ACTR3C: variants seen among roughly 807,000 people sequenced by gnomAD.
The protein encoded by ACTR3C is actin-related protein 3C.
ACTR3C carries 18 observed loss-of-function variants against 26.3 expected under a neutral mutation model. That is an observed-to-expected ratio of 0.68 (90% CI 0.47 to 1.01). The LOEUF (loss-of-function observed/expected upper bound fraction) is 1.01, where lower values mean the gene tolerates loss of function less well. Among genes scored for constraint, ACTR3C ranks in the 50% least tolerant of loss-of-function variants. The pLI, the probability that ACTR3C is intolerant of heterozygous loss-of-function variation, is 0.00. For missense variants in ACTR3C, 184 were observed against 250.7 expected (o/e 0.73, Z 1.80); for synonymous variants, 55 against 94.5 (o/e 0.58, Z 2.42).
the ACTR3C span, among the ~76,000 whole-genome samples, chr7:149,997,042 AC>A: frequency 1.4e-5 from 2 of 145,480 alleles, no homozygotes; most frequent in Non-Finnish European, 3.0e-5. Context: ...TCCAGCAGCC[AC>A]CCAGCTCACT....
At chr7:149,968,401 C>T in the ACTR3C span, among the ~76,000 whole-genome samples, 9 of 152,138 alleles carry the variant, frequency 5.9e-5, no homozygotes, top group South Asian at 6.2e-4. Context: ...GGCGCGGTGG[C>T]GGGCGCCTGT....
chr7:150,292,320 T>C (rs2689605), intron 3 of ACTR3C, among the ~76,000 whole-genome samples: 1 of 151,790 alleles, frequency 6.6e-6, no homozygotes, highest in Admixed American at 6.6e-5. Context: ...CAGACACTTC[T>C]GATACATTTT....
At chr7:150,154,344 T>G in the ACTR3C span, among the ~76,000 whole-genome samples, 3 of 152,196 alleles carry the variant, frequency 2.0e-5, no homozygotes, top group African/African-American at 7.2e-5. Flanking sequence ...GTCTCTTTTT[T>G]TTAAATAAAT....
At chr7:150,022,862 A>G in the ACTR3C span, among the ~76,000 whole-genome samples, 1 of 37,542 alleles carries the variant, frequency 2.7e-5, no homozygotes, top group African/African-American at 7.0e-5. Flanking sequence ...AGAATTACTA[A>G]GACTTTATAA....
the ACTR3C span, among the ~76,000 whole-genome samples, chr7:149,948,067 G>A: frequency 3.5e-5 from 5 of 144,688 alleles, no homozygotes; most frequent in Non-Finnish European, 3.0e-5. Flanking sequence ...AGCAGCCCCT[G>A]CTTCAGTCAC....
chr7:150,110,467 GGGGCTT>G, the ACTR3C span, among the ~76,000 whole-genome samples: 2 of 132,896 alleles, frequency 1.5e-5, no homozygotes, highest in Non-Finnish European at 3.3e-5. Flanking sequence ...GGAAGAGGGT[GGGGCTT>G]ACTAAGAGAT....
the ACTR3C span, among the ~76,000 whole-genome samples, chr7:149,965,304 T>C: frequency 9.6e-6 from 1 of 104,674 alleles, no homozygotes; most frequent in Non-Finnish European, 2.0e-5. Flanking sequence ...CCAGATGTAA[T>C]TAGTAAGAGA....
the ACTR3C span, among the ~76,000 whole-genome samples, chr7:149,978,321 G>A: frequency 2.0e-5 from 3 of 151,656 alleles, no homozygotes; most frequent in Admixed American, 1.3e-4. Context: ...GTGCGTCCAC[G>A]TGACTATTAA....
At chr7:150,191,282 T>C in the ACTR3C span, among the ~76,000 whole-genome samples, 1 of 152,228 alleles carries the variant, frequency 6.6e-6, no homozygotes, top group African/African-American at 2.4e-5. Context: ...TCAGATTGCA[T>C]TGAACAAACA....
the ACTR3C span, among the ~76,000 whole-genome samples, chr7:150,112,072 T>TACC: frequency 6.7e-6 from 1 of 149,040 alleles, no homozygotes; most frequent in Non-Finnish European, 1.5e-5. Flanking sequence ...ATTCCTCATT[T>TACC]TCATGATTTC....
the ACTR3C span, among the ~76,000 whole-genome samples, chr7:149,910,214 C>A: frequency 8.0e-6 from 1 of 124,920 alleles, no homozygotes; most frequent in Non-Finnish European, 1.8e-5. Context: ...CTGAACTTTG[C>A]GGGGTGGGGG....
chr7:150,183,301 A>ACTCTGAGATTCCT, the ACTR3C span, among the ~76,000 whole-genome samples: 1 of 137,206 alleles, frequency 7.3e-6, no homozygotes, highest in African/African-American at 3.4e-5. Flanking sequence ...TGTAAATATG[A>ACTCTGAGATTCCT]CCATGTTGCC....
At chr7:150,162,889 T>C in the ACTR3C span, among the ~76,000 whole-genome samples, 1 of 152,130 alleles carries the variant, frequency 6.6e-6, no homozygotes, top group Non-Finnish European at 1.5e-5. Context: ...CTGTGGCTCA[T>C]GCCTGTAATC....
chr7:149,913,843 T>C, the ACTR3C span, among the ~76,000 whole-genome samples: 1 of 151,392 alleles, frequency 6.6e-6, no homozygotes, highest in Non-Finnish European at 1.5e-5. Flanking sequence ...AATACTGAAG[T>C]TTAATACTGG....
At chr7:150,012,776 C>G in the ACTR3C span, among the ~76,000 whole-genome samples, 6,434 of 146,788 alleles carry the variant, frequency 0.044, no homozygotes, top group African/African-American at 0.098. Flanking sequence ...TAGATCGCCT[C>G]TCTCCATGTA....
chr7:150,065,927 T>C, the ACTR3C span, among the ~76,000 whole-genome samples: 1 of 151,340 alleles, frequency 6.6e-6, no homozygotes, highest in African/African-American at 2.4e-5. Context: ...CAAGTGCAAT[T>C]GAAATGAACC....
the ACTR3C span, among the ~76,000 whole-genome samples, chr7:149,996,213 T>C: frequency 3.3e-5 from 5 of 152,142 alleles, no homozygotes; most frequent in Middle Eastern, 6.8e-3. Context: ...TGTGGCTCCA[T>C]GGAAAGGGAC....
At chr7:149,953,202 C>A in the ACTR3C span, among the ~76,000 whole-genome samples, 15,963 of 148,578 alleles carry the variant, frequency 0.11, 1,089 homozygotes, top group Middle Eastern at 0.15. Flanking sequence ...TAAAGTCACA[C>A]CATTTTGTAA....
the ACTR3C span, among the ~76,000 whole-genome samples, chr7:150,227,688 G>GTGTTTTTTTTTTTT: frequency 5.4e-5 from 6 of 111,386 alleles, no homozygotes; most frequent in Admixed American, 8.7e-5. Context: ...TTGTGTCTGG[G>GTGTTTTTTTTTTTT]TTTTTTTTTT....
Sources: gnomAD v4.1 joint callset for allele counts (sites outside exome capture counted in the v4.1 genomes callset) on GRCh38, gnomAD v4.1.1 for gene constraint, MANE v1.5 for transcripts, NCBI Gene and HGNC (gene_info 2026-07-23, HGNC 2026-07-21) for gene names.